DNAH5: variants seen among roughly 807,000 people sequenced by gnomAD.
The protein encoded by DNAH5 is dynein axonemal heavy chain 5.
In DNAH5, 372 loss-of-function variants were observed where a neutral mutation model predicts 518.2. The observed-to-expected ratio is 0.72, with a 90% CI of 0.66 to 0.78. The LOEUF is 0.78. DNAH5 is among the 30% of genes least tolerant of loss of function. DNAH5 has a pLI of 0.00. For synonymous variants in DNAH5, 2,039 were observed against 2,025.9 expected, an observed-to-expected ratio of 1.01 and a Z score of -0.17; for missense variants, 5,523 against 5,687.0, an observed-to-expected ratio of 0.97 and a Z score of 0.93.
At chr5:13,714,669 G>A (rs373401142) in intron 74 of DNAH5, 49 bp from the exon 75 acceptor site, 46 of 1,575,606 alleles carry the variant, frequency 2.9e-5, no homozygotes, top group Middle Eastern at 4.0e-4. Flanking sequence ...CATAAGCACC[G>A]TCTAAATTAC....
intron 74 of DNAH5, 112 bp from the exon 75 acceptor site, chr5:13,714,732 T>G: frequency 1.0e-6 from 1 of 1,001,960 alleles, no homozygotes; most frequent in South Asian, 1.4e-5. Flanking sequence ...TACTTAAGTC[T>G]TATTGGTGTC....
intron 27 of DNAH5, among the ~76,000 whole-genome samples, chr5:13,864,869 T>G (rs984748631): frequency 2.3e-4 from 35 of 152,286 alleles, no homozygotes; most frequent in African/African-American, 8.4e-4. Context: ...AACTATTACC[T>G]AGTTAGAGGC....
rs1204216317 is a variant in DNAH5 at position 13,921,456 on chromosome 5, CTCTT to C, written c.660+647_660+650del. 1.9e-4 allele frequency among the ~76,000 whole-genome samples: 27 copies of C among 143,936 alleles called. 2 individuals carry two copies. The highest frequency in any genetic ancestry group is 3.3e-4 in the Non-Finnish European group (22 of 66,624). 94.4% of individuals were successfully genotyped at this position (143,936 alleles called of 152,430 possible). A position where few individuals can be genotyped will look rare whatever the true frequency, so the allele number is the denominator to read the frequency against. ...TCTCTGTCTCTCTCTCTCTCTCTCT[CTCTT>C]GCTCTATCTCTCTCTCACACACACA... On this transcript the variant is annotated intron_variant, in intron 5 of 78. Transcript: ENST00000265104.
intron 30 of DNAH5, among the ~76,000 whole-genome samples, chr5:13,853,402 C>A (rs780240677): frequency 6.6e-6 from 1 of 152,154 alleles, no homozygotes; most frequent in East Asian, 1.9e-4. Flanking sequence ...GATAAATACA[C>A]GAAGATGAGG....
chr5:13,897,262 T>C (rs1030062025), intron 15 of DNAH5, among the ~76,000 whole-genome samples: 1 of 152,236 alleles, frequency 6.6e-6, no homozygotes, highest in Non-Finnish European at 1.5e-5. Context: ...CGCAGCTACT[T>C]ACATATTTCC....
At position 13,824,187 on chromosome 5, in the gene DNAH5, T is replaced by C. The variant is rs1275341479; in HGVS notation, c.6579+12A>G. 1 of 1,613,574 alleles carries C rather than the reference T, an allele frequency of 6.2e-7. No homozygotes were observed. Among genetic ancestry groups the C allele is most frequent in the Non-Finnish European group, 8.5e-7 (1 of 1,179,704 alleles). On this transcript the variant is annotated intron_variant, in intron 39 of 78. Transcript: ENST00000265104. ...TCCAAGTAGGTGGAACACTTCCATC[T>C]GTGAGTCTTACCAGTTTAGAAAGAT...
At chr5:13,878,206 C>G (rs1029843869) in intron 21 of DNAH5, among the ~76,000 whole-genome samples, 3 of 152,140 alleles carry the variant, frequency 2.0e-5, no homozygotes, top group Admixed American at 6.5e-5. Flanking sequence ...CTGAGTGCCC[C>G]AACTTCTGCA....
intron 11 of DNAH5, among the ~76,000 whole-genome samples, chr5:13,911,824 C>T (rs1776031571): frequency 6.6e-6 from 1 of 151,978 alleles, no homozygotes; most frequent in Non-Finnish European, 1.5e-5. Context: ...ATTTTTAAAG[C>T]CCAGAGTAGA....
intron 1 of DNAH5, among the ~76,000 whole-genome samples, chr5:14,011,050 A>G (rs908561494): frequency 5.3e-5 from 8 of 152,084 alleles, no homozygotes; most frequent in Non-Finnish European, 7.4e-5. Context: ...ATGTAAATGT[A>G]TAGCGTGTGT....
rs951265451 is a variant in DNAH5, at chr5:13,788,780, G to C, written c.8583C>G (p.Leu2861=). Residue 2861 remains leucine (L), a synonymous_variant, in exon 51 of 79, where the codon CTC becomes CTG. Coordinates refer to ENST00000265104, the MANE Select transcript of DNAH5 (RefSeq NM_001369.3). ...ATGTGTCAATTCCACAATCCACCAA[G>C]AGTTTTTTCTCTTCACCAAACTCCT... ...VEEEFGEEKK[L]LVDCGIDTYF... 2.5e-6 allele frequency: 4 copies of C among 1,614,032 alleles called. No homozygotes were observed. The highest frequency in any genetic ancestry group is 1.6e-4 in the Middle Eastern group (1 of 6,062).
At chr5:14,010,411 C>T (rs1785031392) in intron 1 of DNAH5, among the ~76,000 whole-genome samples, 1 of 152,008 alleles carries the variant, frequency 6.6e-6, no homozygotes, top group African/African-American at 2.4e-5. Context: ...AGCTAATAGC[C>T]ATGCTTTATA....
chr5:13,817,415 C>T (rs777854582), intron 42 of DNAH5, 133 bp downstream of exon 42: 14 of 839,618 alleles, frequency 1.7e-5, no homozygotes, highest in Non-Finnish European at 2.2e-5. Flanking sequence ...ACAAATATCA[C>T]ACTGATTTAT....
chr5:13,876,614 G>A, intron 22 of DNAH5, 70 bp downstream of exon 22: 4 of 1,576,874 alleles, frequency 2.5e-6, no homozygotes, highest in Non-Finnish European at 3.5e-6. Context: ...GGACAACTTT[G>A]TGATGTTCAC....
In DNAH5 at chr5:13,864,437, A is replaced by T. The variant is rs371453794; in HGVS notation, c.4556T>A (p.Ile1519Asn). The T allele has an allele frequency of 9.9e-6, 16 of 1,614,112 alleles. No homozygotes were observed. The highest frequency in any genetic ancestry group is 8.9e-5 in the East Asian group (4 of 44,878). Residue 1519 changes from isoleucine (I) to asparagine (N), a missense_variant, in exon 28 of 79, where the codon ATC (isoleucine) becomes AAC (asparagine). Ile to Asn is a moderately radical substitution (Grantham distance 149, BLOSUM62 -3). Coordinates refer to ENST00000265104, the MANE Select transcript of DNAH5 (RefSeq NM_001369.3). ...VGNESFKLRN[I>N]MEAPLLKYKE... is the part of the protein sequence containing the mutation. ...ATATTTCAGAAGAGGTGCCTCCATG[A>T]TATTTCTTAACTTAAAGCTTTCATT...
intron 71 of DNAH5, 60 bp from the exon 72 acceptor site, chr5:13,719,161 T>C (rs1279284033): frequency 7.9e-7 from 1 of 1,265,114 alleles, no homozygotes; most frequent in African/African-American, 1.5e-5. Context: ...TTCTAAATTA[T>C]TACATTCTTT....
At chr5:13,706,758 C>T (rs560661957) in intron 76 of DNAH5, among the ~76,000 whole-genome samples, 1 of 152,192 alleles carries the variant, frequency 6.6e-6, no homozygotes, top group Non-Finnish European at 1.5e-5. Flanking sequence ...CCGTATCTGT[C>T]TTTAGCACAA....
chr5:13,930,027 AT>A (rs779152042), intron 2 of DNAH5, among the ~76,000 whole-genome samples: 41 of 152,344 alleles, frequency 2.7e-4, no homozygotes, highest in Non-Finnish European at 4.9e-4. Flanking sequence ...GGACCGACAC[AT>A]GGTAAACATT....
chr5:13,864,293 TC>T, intron 28 of DNAH5, 103 bp downstream of exon 28: 1 of 1,496,750 alleles, frequency 6.7e-7, no homozygotes, highest in Non-Finnish European at 9.2e-7. Context: ...GAGAAGAGTT[TC>T]AATTGTCTGA....
At chr5:13,784,487 G>A (rs1174614208) in intron 52 of DNAH5, among the ~76,000 whole-genome samples, 1 of 152,186 alleles carries the variant, frequency 6.6e-6, no homozygotes, top group Non-Finnish European at 1.5e-5. Flanking sequence ...CTCCTGAGCA[G>A]CCTCTCTGTC....
Sources: allele counts gnomAD v4.1 joint callset (sites outside exome capture counted in the v4.1 genomes callset), GRCh38; gene constraint gnomAD v4.1.1; transcripts MANE v1.5; gene names NCBI Gene and HGNC (gene_info 2026-07-23, HGNC 2026-07-21).